Variants in EFCAB6 observed in about 807,000 individuals in gnomAD.
The protein encoded by EFCAB6 is EF-hand calcium binding domain 6.
A neutral mutation model predicts 169.8 loss-of-function variants in EFCAB6; 156 were observed. The observed-to-expected ratio is 0.92, with a 90% CI of 0.81 to 1.05. EFCAB6 has a LOEUF of 1.05. EFCAB6 is among the 50% of genes least tolerant of loss of function. The probability of loss-of-function intolerance (pLI) is 0.00; values close to 1 mark genes in which losing one functional copy is unlikely to be tolerated. For synonymous variants in EFCAB6, 698 were observed against 676.4 expected (o/e 1.03, Z -0.50); for missense variants, 1,800 against 1,829.1 (o/e 0.98, Z 0.29).
rs376525362 is a variant in EFCAB6, at chr22:43,773,018, C to T, written c.225G>A (p.Leu75=). The T allele has an allele frequency of 1.2e-6, 2 of 1,614,188 alleles. No individual in the cohort carries two copies. The highest frequency in any genetic ancestry group is 2.7e-5 in the African/African-American group (2 of 75,040). The change falls in exon 4 of 32, where the codon TTG becomes TTA. Residue 75 remains leucine, a synonymous_variant. Coordinates refer to ENST00000262726, the MANE Select transcript of EFCAB6 (RefSeq NM_022785.4). ...TATCCAGCAGCTGAAAGGCTTTTTG[C>T]AACTCATCCCCTCTGTCGGTAATTT... ...FQKITDRGDE[L]QKAFQLLDTG...
chr22:43,611,986 G>C (rs1352243884), intron 21 of EFCAB6, among the ~76,000 whole-genome samples: 1 of 152,094 alleles, frequency 6.6e-6, no homozygotes, highest in African/African-American at 2.4e-5. Context: ...GAATAGAATA[G>C]AGAGCCCAGA....
At chr22:43,760,261 T>C (rs1361052129) in intron 5 of EFCAB6, among the ~76,000 whole-genome samples, 1 of 150,316 alleles carries the variant, frequency 6.7e-6, no homozygotes, top group African/African-American at 2.5e-5. Flanking sequence ...GTATATAATA[T>C]AGAGTTCTGG....
intron 10 of EFCAB6, among the ~76,000 whole-genome samples, chr22:43,697,252 T>C (rs1184136828): frequency 6.6e-6 from 1 of 152,222 alleles, no homozygotes; most frequent in Admixed American, 6.5e-5. Context: ...CTTCAAACCC[T>C]TTGACTTGAG....
intron 26 of EFCAB6, among the ~76,000 whole-genome samples, chr22:43,566,351 C>G (rs935157416): frequency 1.3e-5 from 2 of 152,200 alleles, no homozygotes; most frequent in African/African-American, 4.8e-5. Flanking sequence ...AACAGCTAAT[C>G]CGAAGATTCC....
At chr22:43,600,009 G>T in intron 23 of EFCAB6, 60 bp downstream of exon 23, 1 of 1,528,608 alleles carries the variant, frequency 6.5e-7, no homozygotes, top group Non-Finnish European at 8.9e-7. Flanking sequence ...AACTTGTGCT[G>T]TGAGGCCAGA....
intron 13 of EFCAB6, among the ~76,000 whole-genome samples, chr22:43,673,405 A>T (rs180871774): frequency 2.0e-5 from 3 of 152,350 alleles, no homozygotes; most frequent in Admixed American, 2.0e-4. Flanking sequence ...AAGTGCCAAG[A>T]TGTTCACTGC....
intron 10 of EFCAB6, among the ~76,000 whole-genome samples, chr22:43,689,498 C>T (rs775082341): frequency 7.2e-5 from 11 of 152,116 alleles, no homozygotes; most frequent in Non-Finnish European, 1.3e-4. Context: ...AGGCAATCAG[C>T]GGGGCTAGAG....
At chr22:43,733,236 T>C (rs1267243893) in intron 7 of EFCAB6, among the ~76,000 whole-genome samples, 1 of 152,184 alleles carries the variant, frequency 6.6e-6, no homozygotes, top group Non-Finnish European at 1.5e-5. Context: ...GAAGACCCAA[T>C]TGAGGGGAGA....
At chr22:43,738,635 TCA>T (rs1556336039) in intron 6 of EFCAB6, among the ~76,000 whole-genome samples, 4 of 151,804 alleles carry the variant, frequency 2.6e-5, no homozygotes, top group Non-Finnish European at 4.4e-5. Flanking sequence ...GCATATATAT[TCA>T]CACACACTTG....
intron 6 of EFCAB6, among the ~76,000 whole-genome samples, chr22:43,738,865 A>G (rs2060264209): frequency 6.6e-6 from 1 of 152,134 alleles, no homozygotes; most frequent in Admixed American, 6.5e-5. Flanking sequence ...TCCCCACATG[A>G]GACAGGTGCC....
chr22:43,589,787 C>T (rs1430899376), intron 24 of EFCAB6, among the ~76,000 whole-genome samples: 1 of 151,702 alleles, frequency 6.6e-6, no homozygotes, highest in Non-Finnish European at 1.5e-5. Context: ...GACTCCATCT[C>T]AAAAAAACAA....
At chr22:43,653,792 G>A (rs1292822494) in intron 17 of EFCAB6, among the ~76,000 whole-genome samples, 1 of 152,122 alleles carries the variant, frequency 6.6e-6, no homozygotes, top group African/African-American at 2.4e-5. Flanking sequence ...GGAAGGGGCA[G>A]GGGGAGGGCG....
chr22:43,718,112 G>A (rs1446573657), intron 8 of EFCAB6, among the ~76,000 whole-genome samples: 2 of 151,472 alleles, frequency 1.3e-5, no homozygotes, highest in African/African-American at 2.4e-5. Context: ...CAAAATCTGA[G>A]AGGATACTAC....
At chr22:43,535,025 TG>T in intron 29 of EFCAB6, 153 bp from the exon 30 acceptor site, 1 of 741,438 alleles carries the variant, frequency 1.3e-6, no homozygotes, top group Non-Finnish European at 2.1e-6. Flanking sequence ...TGGACATATG[TG>T]GAGACAGACA....
At chr22:43,635,393 A>C (rs2055315690) in intron 17 of EFCAB6, among the ~76,000 whole-genome samples, 177 bp from the exon 18 acceptor site, 2 of 152,106 alleles carry the variant, frequency 1.3e-5, no homozygotes, top group African/African-American at 4.8e-5. Context: ...TGGGCCTTGC[A>C]CAAGGCTTGT....
Position 43,537,213 on chromosome 22 carries a change from G to C in EFCAB6, c.4048+164C>G, listed in dbSNP as rs1449909663. The C allele has an allele frequency of 1.6e-5, 13 of 794,594 alleles. No homozygotes were observed. The East Asian group carries it at 2.5e-4, about 16-fold the overall frequency. The allele number at this position is 794,594 out of a possible 1,614,324, so 49.2% of individuals were successfully genotyped here. A position where few individuals can be genotyped will look rare whatever the true frequency, so the allele number is the denominator to read the frequency against. On this transcript the variant is annotated intron_variant, in intron 29 of 31. Coordinates refer to ENST00000262726, the MANE Select transcript of EFCAB6 (RefSeq NM_022785.4). This position sits in a 1 kb window ranked among gnomAD's most constrained non-coding sequence, Gnocchi z 4.3. Reference sequence around the variant, plus strand: ...GGTAGTCGGAATCCTCCTCCATGGGGACCTTTGTATAGTAAGCTGCACAGC... The same window carrying C: ...GGTAGTCGGAATCCTCCTCCATGGGCACCTTTGTATAGTAAGCTGCACAGC...
intron 10 of EFCAB6, among the ~76,000 whole-genome samples, chr22:43,709,128 C>G (rs1350927419): frequency 1.3e-5 from 2 of 152,142 alleles, no homozygotes; most frequent in African/African-American, 4.8e-5. Flanking sequence ...GTTGCCCAGG[C>G]TGGGGTGCAG....
chr22:43,596,506 A>G (rs2052019613), intron 23 of EFCAB6, among the ~76,000 whole-genome samples: 1 of 152,146 alleles, frequency 6.6e-6, no homozygotes, highest in Non-Finnish European at 1.5e-5. Context: ...CAATATCTAC[A>G]AAGAATATAA....
intron 5 of EFCAB6, among the ~76,000 whole-genome samples, chr22:43,761,089 T>C (rs2061147684): frequency 6.6e-6 from 1 of 152,350 alleles, no homozygotes; most frequent in South Asian, 2.1e-4. Flanking sequence ...CAGCCTCAGA[T>C]GCCCTTATAA....
Sources: allele counts gnomAD v4.1 joint callset (sites outside exome capture counted in the v4.1 genomes callset), GRCh38; gene constraint gnomAD v4.1.1; non-coding constraint Gnocchi (gnomAD v3.1); transcripts MANE v1.5; gene names NCBI Gene and HGNC (gene_info 2026-07-23, HGNC 2026-07-21).